The following AGBL4 variants were observed in gnomAD, a reference collection of about 807,000 sequenced individuals.
AGBL4 encodes AGBL carboxypeptidase 4.
A neutral mutation model predicts 66.4 loss-of-function variants in AGBL4; 58 were observed. That is an observed-to-expected ratio of 0.87 (90% confidence interval 0.71 to 1.09). AGBL4 has a LOEUF of 1.09. AGBL4 is among the 50% of genes least tolerant of loss of function. The pLI, the probability that AGBL4 is intolerant of heterozygous loss-of-function variation, is 0.00. For synonymous variants in AGBL4, 234 were observed against 222.9 expected (o/e 1.05, Z -0.44); for missense variants, 579 against 631.0 (o/e 0.92, Z 0.88).
chr1:49,798,987 T>G (rs1644795746), intron 2 of AGBL4, among the ~76,000 whole-genome samples: 1 of 152,016 alleles, frequency 6.6e-6, no homozygotes, highest in Non-Finnish European at 1.5e-5. Context: ...AGTCAGAAAA[T>G]AGAGAAATCT....
chr1:48,562,118 C>A (rs1164787663), intron 11 of AGBL4, among the ~76,000 whole-genome samples: 2 of 152,160 alleles, frequency 1.3e-5, no homozygotes, highest in Non-Finnish European at 2.9e-5. Context: ...TTGGGCTTGG[C>A]TTCCTGAAGA....
At chr1:48,954,831 G>A (rs980980025) in intron 5 of AGBL4, among the ~76,000 whole-genome samples, 1 of 152,030 alleles carries the variant, frequency 6.6e-6, no homozygotes, top group Non-Finnish European at 1.5e-5. Context: ...CTGGAAATTA[G>A]TACACTACAG....
chr1:49,953,085 A>G (rs1325721828), intron 1 of AGBL4, among the ~76,000 whole-genome samples: 1 of 152,000 alleles, frequency 6.6e-6, no homozygotes, highest in Non-Finnish European at 1.5e-5. Flanking sequence ...ACATAAAAGA[A>G]GAATGATAGC....
chr1:49,167,663 G>A (rs1365626295), intron 4 of AGBL4, among the ~76,000 whole-genome samples: 1 of 152,206 alleles, frequency 6.6e-6, no homozygotes. Context: ...ATAAATCATT[G>A]TATTCTAGGA....
chr1:49,573,805 A>T (rs892834306), intron 3 of AGBL4, among the ~76,000 whole-genome samples: 8 of 152,162 alleles, frequency 5.3e-5, no homozygotes, highest in African/African-American at 1.9e-4. Context: ...GGACCCTGGA[A>T]CTTAGAATGG....
intron 6 of AGBL4, among the ~76,000 whole-genome samples, chr1:48,744,667 C>A (rs900438482): frequency 6.6e-6 from 1 of 152,208 alleles, no homozygotes; most frequent in Non-Finnish European, 1.5e-5. Context: ...TCTCTCCCAT[C>A]CATCTCTATA....
intron 3 of AGBL4, among the ~76,000 whole-genome samples, chr1:49,621,173 A>C (rs1645353562): frequency 6.6e-6 from 1 of 152,196 alleles, no homozygotes; most frequent in Admixed American, 6.5e-5. Flanking sequence ...ACTTGAACAT[A>C]AATTTAATTT....
At chr1:49,762,839 C>A (rs1652440817) in intron 2 of AGBL4, among the ~76,000 whole-genome samples, 1 of 152,130 alleles carries the variant, frequency 6.6e-6, no homozygotes, top group Non-Finnish European at 1.5e-5. Flanking sequence ...GTTATCTTTT[C>A]ACTTTGTTAA....
At chr1:49,543,728 A>G (rs991502530) in intron 3 of AGBL4, among the ~76,000 whole-genome samples, 7 of 152,146 alleles carry the variant, frequency 4.6e-5, no homozygotes, top group African/African-American at 1.7e-4. Flanking sequence ...TGTGCTATAT[A>G]TTGCCCCTAG....
rs374614855 is a variant in AGBL4 at position 48,719,162 on chromosome 1, G to A, written c.635-55921C>T. Among the ~76,000 whole-genome samples the A allele has an allele frequency of 1.6e-4, 25 of 152,204 alleles. No homozygotes were observed. In the East Asian group the frequency reaches 3.9e-3, roughly 24 times the overall value. On this transcript the variant is annotated intron_variant, in intron 6 of 13. Coordinates refer to ENST00000371839, the MANE Select transcript of AGBL4 (RefSeq NM_032785.4). Reference sequence around the variant, plus strand: ...AGAGACATGTACAAACCTGAAATGCGCCCCCTTCCCCCAAACACGTTTGAT... The same window carrying A: ...AGAGACATGTACAAACCTGAAATGCACCCCCTTCCCCCAAACACGTTTGAT...
At chr1:48,834,479 G>A (rs1368825494) in intron 6 of AGBL4, among the ~76,000 whole-genome samples, 1 of 152,134 alleles carries the variant, frequency 6.6e-6, no homozygotes, top group Non-Finnish European at 1.5e-5. Context: ...TGGAGGTAAG[G>A]CCTTTGGGAG....
chr1:49,912,641 C>T (rs1209561149), intron 1 of AGBL4, among the ~76,000 whole-genome samples: 2 of 152,132 alleles, frequency 1.3e-5, no homozygotes, highest in Non-Finnish European at 2.9e-5. Flanking sequence ...GAAAAAATAC[C>T]TATATCCTAG....
chr1:48,618,839 G>A (rs997541202), intron 9 of AGBL4, among the ~76,000 whole-genome samples: 3 of 152,006 alleles, frequency 2.0e-5, no homozygotes, highest in East Asian at 3.9e-4. Flanking sequence ...GGGAGGAGTG[G>A]GGTGCCCAAG....
At chr1:49,689,341 A>G (rs187908758) in intron 3 of AGBL4, among the ~76,000 whole-genome samples, 9 of 152,178 alleles carry the variant, frequency 5.9e-5, no homozygotes, top group East Asian at 5.8e-4. Flanking sequence ...CCTTTCCCCA[A>G]TGTATATTCT....
chr1:49,268,842 T>G (rs1474721224), intron 3 of AGBL4, among the ~76,000 whole-genome samples: 1 of 152,210 alleles, frequency 6.6e-6, no homozygotes. Flanking sequence ...AAATCATATG[T>G]GCTAGACTGA....
chr1:49,069,174 T>C (rs1644550723), intron 4 of AGBL4, among the ~76,000 whole-genome samples: 1 of 152,224 alleles, frequency 6.6e-6, no homozygotes, highest in Non-Finnish European at 1.5e-5. Flanking sequence ...TCTCCCATTC[T>C]GTAGGTTGCC....
intron 3 of AGBL4, among the ~76,000 whole-genome samples, chr1:49,387,221 T>C (rs559972420): frequency 8.6e-5 from 13 of 152,026 alleles, no homozygotes; most frequent in African/African-American, 2.9e-4. Flanking sequence ...CTTTCACCTC[T>C]AAATTCTACA....
At chr1:49,942,079 A>G (rs1654816212) in intron 1 of AGBL4, among the ~76,000 whole-genome samples, 1 of 152,148 alleles carries the variant, frequency 6.6e-6, no homozygotes. Context: ...ATTATACAAA[A>G]AACAAATCAA....
At chr1:49,785,869 C>T (rs1398359914) in intron 2 of AGBL4, among the ~76,000 whole-genome samples, 1 of 129,506 alleles carries the variant, frequency 7.7e-6, no homozygotes, top group African/African-American at 3.2e-5. Flanking sequence ...TTTCAGAGTA[C>T]ATGAGAAATC....
Sources: allele counts gnomAD v4.1 joint callset (sites outside exome capture counted in the v4.1 genomes callset), GRCh38; gene constraint gnomAD v4.1.1; transcripts MANE v1.5; gene names NCBI Gene and HGNC (gene_info 2026-07-23, HGNC 2026-07-21).